TUBB8B: variants seen among roughly 807,000 people sequenced by gnomAD.
TUBB8B encodes HSA18p11 beta-tubulin 4Q pseudogene.
TUBB8B carries 26 observed loss-of-function variants against 31.9 expected under a neutral mutation model. The observed-to-expected ratio is 0.81, with a 90% CI of 0.60 to 1.13. TUBB8B has a LOEUF of 1.13. Ranked by LOEUF, TUBB8B falls within the 50% of genes most tolerant of loss-of-function variation. TUBB8B has a pLI of 0.00. For missense variants in TUBB8B, 467 were observed against 586.7 expected (o/e 0.80, Z 2.11); for synonymous variants, 173 against 231.0 (o/e 0.75, Z 2.28).
At chr18:71,566 ATT>A in the TUBB8B span, among the ~76,000 whole-genome samples, 1 of 97,180 alleles carries the variant, frequency 1.0e-5, no homozygotes, top group African/African-American at 4.5e-5. Flanking sequence ...ACAAAAAAAA[ATT>A]TAAAAAAAAA....
At chr18:68,021 G>T in the TUBB8B span, among the ~76,000 whole-genome samples, 14,737 of 113,286 alleles carry the variant, frequency 0.13, no homozygotes, top group African/African-American at 0.25. Context: ...TACTGATATT[G>T]CAGCCGCAAT....
chr18:52,275 C>T (rs1906140281), upstream of TUBB8B, among the ~76,000 whole-genome samples: 1 of 151,844 alleles, frequency 6.6e-6, no homozygotes, highest in African/African-American at 2.4e-5. Context: ...GGGCAGCCTC[C>T]AGGCTACTGC....
chr18:54,665 A>AT, the TUBB8B span, among the ~76,000 whole-genome samples: 27 of 151,982 alleles, frequency 1.8e-4, no homozygotes, highest in Non-Finnish European at 3.7e-4. Context: ...TTCACTTAAC[A>AT]TAAAGACTTT....
upstream of TUBB8B, among the ~76,000 whole-genome samples, chr18:52,353 G>C: frequency 6.6e-6 from 1 of 151,274 alleles, no homozygotes; most frequent in East Asian, 1.9e-4. Flanking sequence ...AAGAGCACAA[G>C]GTGGACAGTC....
chr18:49,471 G>C, intron 1 of TUBB8B, 30 bp downstream of exon 1: 1 of 978,934 alleles, frequency 1.0e-6, no homozygotes, highest in Non-Finnish European at 1.6e-6. Context: ...GGCAGGCCCG[G>C]GCTGGGCCCT....
the TUBB8B span, among the ~76,000 whole-genome samples, chr18:62,247 T>C: frequency 1.9e-4 from 29 of 151,698 alleles, no homozygotes; most frequent in African/African-American, 6.8e-4. Context: ...GTCTCTTCTC[T>C]TGCTGCTTTT....
At chr18:63,530 T>A in the TUBB8B span, among the ~76,000 whole-genome samples, 2 of 151,396 alleles carry the variant, frequency 1.3e-5, 1 homozygote. Flanking sequence ...ACTGCGCTGG[T>A]TCACACTTGA....
chr18:64,775 T>C, the TUBB8B span, among the ~76,000 whole-genome samples: 54,183 of 151,834 alleles, frequency 0.36, 10,631 homozygotes, highest in African/African-American at 0.52. Context: ...CGCTCTCTTG[T>C]TAACCCTAAA....
At chr18:55,612 T>C in the TUBB8B span, among the ~76,000 whole-genome samples, 1 of 151,626 alleles carries the variant, frequency 6.6e-6, no homozygotes, top group African/African-American at 2.4e-5. Context: ...AAGAACAGCC[T>C]GGGGGAAACC....
the TUBB8B span, among the ~76,000 whole-genome samples, chr18:69,736 T>C: frequency 6.6e-6 from 1 of 152,220 alleles, no homozygotes; most frequent in South Asian, 2.1e-4. Context: ...AACAATTCCC[T>C]CAATTGAAAA....
chr18:73,328 C>G, the TUBB8B span: 1 of 165,964 alleles, frequency 6.0e-6, no homozygotes, highest in Non-Finnish European at 1.5e-5. Flanking sequence ...CTCGGTGGCC[C>G]CAGGTGTCCC....
rs368172241 is a variant in TUBB8B, at chr18:48,732, G to C, written c.277+208C>G. On this transcript the variant is annotated intron_variant, in intron 3 of 3. Transcript: ENST00000308911. ...CACGGCCCCAGCTCAGCTCCCGGCA[G>C]GGACATCAGTAGCTCCTCACCTTGA... 2.0e-5 allele frequency: 14 copies of C among 698,682 alleles called. No individual in the cohort carries two copies. The East Asian group carries it at 2.4e-4, about 12-fold the overall frequency. The allele number at this position is 698,682 out of a possible 1,614,324, so 43.3% of individuals were successfully genotyped here.
the TUBB8B span, among the ~76,000 whole-genome samples, chr18:60,675 T>C: frequency 6.6e-6 from 1 of 151,780 alleles, no homozygotes; most frequent in South Asian, 2.1e-4. Flanking sequence ...TTATTGTTTG[T>C]TTCAAGAAAT....
At chr18:55,031 G>C in the TUBB8B span, among the ~76,000 whole-genome samples, 1 of 151,924 alleles carries the variant, frequency 6.6e-6, no homozygotes, top group Non-Finnish European at 1.5e-5. Context: ...TCTATAGAAT[G>C]TTTTGAACTC....
the TUBB8B span, among the ~76,000 whole-genome samples, chr18:72,592 C>T: frequency 6.6e-6 from 1 of 152,098 alleles, no homozygotes; most frequent in Non-Finnish European, 1.5e-5. Context: ...GGCTTGAGTG[C>T]AGTGGCATGA....
upstream of TUBB8B, chr18:50,574 G>T (rs1486979036): frequency 6.6e-6 from 1 of 152,264 alleles, no homozygotes; most frequent in South Asian, 2.1e-4. Context: ...GACATTAACA[G>T]AAACAAAGAA....
At chr18:57,379 A>C in the TUBB8B span, among the ~76,000 whole-genome samples, 145 of 152,028 alleles carry the variant, frequency 9.5e-4, 2 homozygotes, top group African/African-American at 3.1e-3. Context: ...CAGCTAAAAA[A>C]AAGAGGCCAC....
At chr18:50,402 TAG>T (rs1166672509), upstream of TUBB8B, 1 of 156,084 alleles carries the variant, frequency 6.4e-6, no homozygotes, top group East Asian at 1.9e-4. Context: ...CGGAGTACAT[TAG>T]AGTTGCCAGT....
the TUBB8B span, among the ~76,000 whole-genome samples, chr18:56,173 A>C: frequency 2.0e-5 from 3 of 151,770 alleles, 1 homozygote; most frequent in Non-Finnish European, 4.4e-5. Context: ...TCTCTATTTC[A>C]TTCCATTTGT....
Sources: allele counts gnomAD v4.1 joint callset (sites outside exome capture counted in the v4.1 genomes callset), GRCh38; gene constraint gnomAD v4.1.1; transcripts MANE v1.5; gene names NCBI Gene and HGNC (gene_info 2026-07-23, HGNC 2026-07-21).